KLK12: variants seen among roughly 807,000 people sequenced by gnomAD.
KLK12 encodes the protein kallikrein-12.
Under a neutral mutation model 20.0 loss-of-function variants are expected in KLK12, and 23 were observed. The ratio of observed to expected loss-of-function variants is 1.15; its 90% CI spans 0.83 to 1.63. The LOEUF (loss-of-function observed/expected upper bound fraction) is 1.63, where lower values mean the gene tolerates loss of function less well. Ranked by LOEUF, KLK12 falls within the 40% of genes most tolerant of loss-of-function variation. KLK12 has a pLI of 0.00. For synonymous variants in KLK12, 147 were observed against 141.9 expected, an observed-to-expected ratio of 1.04 and a Z score of -0.25; for missense variants, 351 against 338.6, an observed-to-expected ratio of 1.04 and a Z score of -0.29.
chr19:51,032,160 G>C, intron 3 of KLK12, 25 bp from the exon 4 acceptor site: 1 of 1,580,438 alleles, frequency 6.3e-7, no homozygotes, highest in African/African-American at 1.3e-5. Context: ...GGCTGAGCGG[G>C]TGGCAGGCAC....
Position 51,034,975 on chromosome 19 carries a change from A to G in KLK12, c.-189T>C, listed in dbSNP as rs561324572. The G allele has an allele frequency of 1.1e-5, 13 of 1,181,034 alleles. No individual in the cohort carries two copies. In the East Asian group the frequency reaches 2.0e-4, roughly 18 times the overall value. 73.2% of individuals were successfully genotyped at this position (1,181,034 alleles called of 1,614,324 possible). Reference sequence around the variant, plus strand: ...CCTCAGCCACCTGTCATGTTGCTCAACCGGTCCCTTTCCTTCCATCTGTCG... The same window carrying G: ...CCTCAGCCACCTGTCATGTTGCTCAGCCGGTCCCTTTCCTTCCATCTGTCG... On this transcript the variant is annotated 5_prime_UTR_variant, in exon 1 of 6. Coordinates refer to ENST00000684732, the MANE Select transcript of KLK12 (RefSeq NM_001370125.1).
rs1038364851 is a variant in KLK12 at position 51,032,212 on chromosome 19, T to A, written c.198-77A>T. On this transcript the variant is annotated intron_variant, in intron 3 of 5. Transcript: ENST00000684732. The stretch of plus-strand genomic sequence containing the variant: ...CACCCCTCCACGGACACTCAGGCGC[T>A]CCTGCCGCTCCCCACTGTTCTGCCC... The A allele has an allele frequency of 1.3e-5, 19 of 1,457,526 alleles. 1 individual carries two copies. In the African/African-American group the frequency reaches 2.4e-4, roughly 18 times the overall value. The allele number at this position is 1,457,526 out of a possible 1,614,324, so 90.3% of individuals were successfully genotyped here. A position where few individuals can be genotyped will look rare whatever the true frequency, so the allele number is the denominator to read the frequency against.
chr19:51,029,366 G>A lies in KLK12; in HGVS notation c.683C>T (p.Pro228Leu), dbSNP rs767682079. 6.2e-7 allele frequency: 1 copy of A among 1,613,864 alleles called. No individual in the cohort carries two copies. The highest frequency in any genetic ancestry group is 8.5e-7 in the Non-Finnish European group (1 of 1,179,914). The change falls in exon 6 of 6, where the codon CCT (proline) becomes CTT (leucine). Residue 228 changes from proline (P) to leucine (L), a missense_variant. By Grantham distance (98) the Pro-to-Leu change is moderately conservative. Transcript: ENST00000684732. ...CTTGCAAATATAGGTGTAGACTCCA[G>A]GGATGCCATCTTGTCCACAGGGCCC... ...SVGPCGQDGI[P>L]GVYTYICKYV...
At chr19:51,031,001 C>CA in intron 4 of KLK12, 80 bp from the exon 5 acceptor site, 1 of 1,552,990 alleles carries the variant, frequency 6.4e-7, no homozygotes, top group Non-Finnish European at 8.9e-7. Context: ...TGGATGTGGC[C>CA]CATCCATGTC....
At chr19:51,030,594 C>T (rs1414967037) in intron 5 of KLK12, among the ~76,000 whole-genome samples, 194 bp downstream of exon 5, 1 of 152,034 alleles carries the variant, frequency 6.6e-6, no homozygotes, top group Non-Finnish European at 1.5e-5. Flanking sequence ...AAGTGATCCG[C>T]CCGCCTCGGC....
intron 5 of KLK12, among the ~76,000 whole-genome samples, 189 bp from the exon 6 acceptor site, chr19:51,029,646 G>T (rs1236532302): frequency 6.6e-6 from 1 of 152,232 alleles, no homozygotes; most frequent in African/African-American, 2.4e-5. Context: ...TGTCTCTAGG[G>T]GCCAATCCCA....
At position 51,032,080 on chromosome 19, in the gene KLK12, G is replaced by C; in HGVS notation, c.253C>G (p.Gln85Glu). ...ACAGAGAAGCCGCTGTGCCGGATCTGCTCGGTCCAGTCGAGCTGGCTGAGG... is the reference window on the plus strand; with the variant it reads ...ACAGAGAAGCCGCTGTGCCGGATCTCCTCGGTCCAGTCGAGCTGGCTGAGG... ...HSLSQLDWTE[Q>E]IRHSGFSVTH... is the part of the protein sequence containing the mutation. The change falls in exon 4 of 6, where the codon CAG (glutamine) becomes GAG (glutamate). Residue 85 changes from glutamine (Q) to glutamate (E), a missense_variant. Gln to Glu is a conservative substitution (Grantham distance 29). Coordinates refer to ENST00000684732, the MANE Select transcript of KLK12 (RefSeq NM_001370125.1). 1 of 1,604,952 alleles carries C rather than the reference G, an allele frequency of 6.2e-7. No individual in the cohort carries two copies. The highest frequency in any genetic ancestry group is 1.1e-5 in the South Asian group (1 of 90,344).
intron 3 of KLK12, 84 bp downstream of exon 3, chr19:51,033,896 T>G: frequency 7.5e-7 from 1 of 1,339,274 alleles, no homozygotes; most frequent in East Asian, 2.4e-5. Flanking sequence ...TTCTTCCCAG[T>G]GGGCACCACC....
At position 51,034,019 on chromosome 19, in the gene KLK12, T is replaced by A. The variant is rs778322493; in HGVS notation, c.158A>T (p.Asp53Val). 1.2e-6 allele frequency: 2 copies of A among 1,610,578 alleles called. No homozygotes were observed. The highest frequency in any genetic ancestry group is 2.7e-5 in the African/African-American group (2 of 74,940). ...AGCCGCTGTGAGGACCCACCTGTGG[T>A]CAATAAGGACACCCCCGCAGCGCAG... is the stretch of plus-strand genomic sequence containing the variant. ...TSLRCGGVLI[D>V]HRWVLTAAHC... Residue 53 changes from aspartate (D) to valine (V), a missense_variant, in exon 3 of 6, where the codon GAC (aspartate) becomes GTC (valine). By Grantham distance (152) the Asp-to-Val change is radical (BLOSUM62 -3). Coordinates refer to ENST00000684732, the MANE Select transcript of KLK12 (RefSeq NM_001370125.1).
Position 51,032,129 on chromosome 19 carries a change from G to A in KLK12, c.204C>T (p.Tyr68=), listed in dbSNP as rs375853405. 88 of 1,600,650 alleles carry A rather than the reference G, an allele frequency of 5.5e-5. No homozygotes were observed. Among genetic ancestry groups the A allele is most frequent in the Admixed American group, 1.2e-4 (7 of 59,282 alleles). ...LTAAHCSGSR[Y]WVRLGEHSLS... ...GGCTGTGTTCCCCCAGGCGCACCCA[G>A]TACCTGCTGCCGGTGGCGACGGCTG... The change falls in exon 4 of 6, where the codon TAC becomes TAT. Residue 68 remains tyrosine, a synonymous_variant. Coordinates refer to ENST00000684732, the MANE Select transcript of KLK12 (RefSeq NM_001370125.1).
chr19:51,034,690 C>T, intron 1 of KLK12, 50 bp from the exon 2 acceptor site: 1 of 1,567,562 alleles, frequency 6.4e-7, no homozygotes, highest in Non-Finnish European at 8.7e-7. Context: ...GTGCCCCCCA[C>T]CTCTGCCCTC....
At chr19:51,031,402 C>T (rs1176427445) in intron 4 of KLK12, among the ~76,000 whole-genome samples, 1 of 151,838 alleles carries the variant, frequency 6.6e-6, no homozygotes, top group African/African-American at 2.4e-5. Context: ...CCCCAGCCTC[C>T]ATGACCCCAA....
Position 51,032,091 on chromosome 19 carries a change from T to C in KLK12, c.242A>G (p.Asp81Gly). The change falls in exon 4 of 6, where the codon GAC becomes GGC. Residue 81 changes from aspartate (D) to glycine (G), a missense_variant. By Grantham distance (94) the Asp-to-Gly change is moderately conservative. Transcript: ENST00000684732. ...GCTGTGCCGGATCTGCTCGGTCCAG[T>C]CGAGCTGGCTGAGGCTGTGTTCCCC... is the stretch of plus-strand genomic sequence containing the variant. Reference protein sequence around the residue: ...RLGEHSLSQLDWTEQIRHSGF... With the variant: ...RLGEHSLSQLGWTEQIRHSGF... 1 of 1,604,784 alleles carries C rather than the reference T, an allele frequency of 6.2e-7. No homozygotes were observed. The highest frequency in any genetic ancestry group is 8.5e-7 in the Non-Finnish European group (1 of 1,178,058).
At position 51,029,450 on chromosome 19, in the gene KLK12, G is replaced by A; in HGVS notation, c.599C>T (p.Ser200Phe). 2 of 1,610,508 alleles carry A rather than the reference G, an allele frequency of 1.2e-6. No homozygotes were observed. Among genetic ancestry groups the A allele is most frequent in the Non-Finnish European group, 1.7e-6 (2 of 1,176,750 alleles). Residue 200 changes from serine to phenylalanine, a missense_variant, in exon 6 of 6, where the codon TCT (serine) becomes TTT (phenylalanine). Coordinates refer to ENST00000684732, the MANE Select transcript of KLK12 (RefSeq NM_001370125.1). ...VPGQDACQGD[S>F]GGPLVCGGVL... ...TCCCCCACACACCAGGGGGCCCCCA[G>A]AATCACCCTGGAAGGGAAGAGAAGT... is the stretch of plus-strand genomic sequence containing the variant.
intron 4 of KLK12, 58 bp from the exon 5 acceptor site, chr19:51,030,979 G>T: frequency 6.2e-7 from 1 of 1,605,068 alleles, no homozygotes; most frequent in Non-Finnish European, 8.5e-7. Context: ...TTGAGGCCAC[G>T]TCCCTCTTCC....
chr19:51,029,599 G>C, intron 5 of KLK12, 142 bp from the exon 6 acceptor site: 1 of 711,132 alleles, frequency 1.4e-6, no homozygotes, highest in African/African-American at 1.8e-5. Context: ...CTTTCCCGGA[G>C]GACAATGGCA....
chr19:51,029,196 G>T lies in KLK12; in HGVS notation c.*106C>A, dbSNP rs149219406. On this transcript the variant is annotated 3_prime_UTR_variant, in exon 6 of 6. Transcript: ENST00000684732. ...GAGTTAAAGTTCCAAGAAGTTCCCA[G>T]GCCAACAAGAGTGGAGCTAGGGGAA... is the stretch of plus-strand genomic sequence containing the variant. The T allele has an allele frequency of 6.7e-4, 1,087 of 1,614,168 alleles. 2 individuals carry two copies. Among genetic ancestry groups the T allele is most frequent in the Non-Finnish European group, 8.3e-4 (982 of 1,180,040 alleles).
chr19:51,033,983 C>A lies in KLK12; in HGVS notation c.194G>T (p.Gly65Val). The stretch of plus-strand genomic sequence containing the variant: ...CCCACCCCAGGAAGGGACTTACCTG[C>A]CGCTGCAGTGAGCCGCTGTGAGGAC... ...RWVLTAAHCSGSRYWVRLGEH... is the reference protein window; with the variant it reads ...RWVLTAAHCSVSRYWVRLGEH... The change falls in exon 3 of 6, where the codon GGC becomes GTC. Residue 65 changes from glycine to valine, a missense_variant. By Grantham distance (109) the Gly-to-Val change is moderately radical (BLOSUM62 -3). Coordinates refer to ENST00000684732, the MANE Select transcript of KLK12 (RefSeq NM_001370125.1). 1 of 1,611,392 alleles carries A rather than the reference C, an allele frequency of 6.2e-7. No individual in the cohort carries two copies. Among genetic ancestry groups the A allele is most frequent in the Non-Finnish European group, 8.5e-7 (1 of 1,179,308 alleles).
At position 51,029,170 on chromosome 19, in the gene KLK12, G is replaced by GAA; in HGVS notation, c.*131_*132insTT. 6.2e-7 allele frequency: 1 copy of GAA among 1,614,160 alleles called. No individual in the cohort carries two copies. Among genetic ancestry groups the GAA allele is most frequent in the African/African-American group, 1.3e-5 (1 of 75,020 alleles). On this transcript the variant is annotated 3_prime_UTR_variant, in exon 6 of 6. Coordinates refer to ENST00000684732, the MANE Select transcript of KLK12 (RefSeq NM_001370125.1). ...CTCGTGGGTCTTAGAAGGGCTGGCA[G>GAA]GAGTTAAAGTTCCAAGAAGTTCCCA... is the stretch of plus-strand genomic sequence containing the variant.
Sources: gnomAD v4.1 joint callset for allele counts (sites outside exome capture counted in the v4.1 genomes callset) on GRCh38, gnomAD v4.1.1 for gene constraint, MANE v1.5 for transcripts, NCBI Gene and HGNC (gene_info 2026-07-23, HGNC 2026-07-21) for gene names.